Variants in RBFOX1 observed in about 807,000 individuals in gnomAD.
RBFOX1 encodes RNA binding fox-1 homolog 1.
RBFOX1 carries 8 observed loss-of-function variants against 57.7 expected under a neutral mutation model. The observed-to-expected ratio is 0.14, with a 90% confidence interval of 0.08 to 0.25. The LOEUF (loss-of-function observed/expected upper bound fraction) is 0.25, where lower values mean the gene tolerates loss of function less well. Ranked by LOEUF, RBFOX1 falls within the 10% of genes least tolerant of loss-of-function variation. RBFOX1 has a pLI of 1.00. For missense variants in RBFOX1, 611 were observed against 548.5 expected, an observed-to-expected ratio of 1.11 and a Z score of -1.14; for synonymous variants, 326 against 222.4, an observed-to-expected ratio of 1.47 and a Z score of -4.15.
rs536202131 is a variant in RBFOX1, at chr16:5,256,805, C to G, written c.219+16700C>G. Among the ~76,000 whole-genome samples the G allele has an allele frequency of 7.2e-5, 11 of 152,068 alleles. No individual in the cohort carries two copies. The South Asian group carries it at 2.1e-3, about 29-fold the overall frequency. ...AAAAATTAGCCCGGTGTGGTGGCAT[C>G]TGCCTGTAGTCCCAACTACTCGGGA... On this transcript the variant is annotated intron_variant, in intron 1 of 2. Coordinates refer to the RBFOX1 transcript ENST00000585867.
At chr16:7,635,637 C>A (rs1462809200) in intron 11 of RBFOX1, among the ~76,000 whole-genome samples, 1 of 148,486 alleles carries the variant, frequency 6.7e-6, no homozygotes, top group Non-Finnish European at 1.5e-5. Context: ...GTTACATGGA[C>A]ATTACATATA....
At chr16:5,756,702 T>C (rs867499312) in intron 3 of RBFOX1, among the ~76,000 whole-genome samples, 26 of 152,180 alleles carry the variant, frequency 1.7e-4, no homozygotes, top group Non-Finnish European at 3.1e-4. Flanking sequence ...TCATTACTTA[T>C]CACAGCAGAA....
chr16:5,852,798 C>G (rs191846638), intron 3 of RBFOX1, among the ~76,000 whole-genome samples: 4 of 152,064 alleles, frequency 2.6e-5, no homozygotes, highest in African/African-American at 9.6e-5. Flanking sequence ...CCACTGCTCT[C>G]CAGCCTGGGT....
At chr16:7,373,192 C>T (rs559824226) in intron 4 of RBFOX1, among the ~76,000 whole-genome samples, 132 of 152,240 alleles carry the variant, frequency 8.7e-4, no homozygotes, top group African/African-American at 3.1e-3. Flanking sequence ...CTTGGCCTCC[C>T]AAAGTGCTGG....
intron 3 of RBFOX1, among the ~76,000 whole-genome samples, chr16:6,953,474 C>T (rs1223523114): frequency 1.3e-5 from 2 of 152,082 alleles, no homozygotes; most frequent in Middle Eastern, 3.2e-3. Context: ...CAACCTCCAC[C>T]TCCTGGGTTC....
chr16:5,884,658 G>C (rs2057853407), intron 4 of RBFOX1, among the ~76,000 whole-genome samples: 2 of 152,110 alleles, frequency 1.3e-5, no homozygotes, highest in Non-Finnish European at 2.9e-5. Flanking sequence ...CCATGTTGGA[G>C]TCGAATAAAT....
chr16:5,706,806 G>A (rs1200075319), intron 3 of RBFOX1, among the ~76,000 whole-genome samples: 2 of 152,042 alleles, frequency 1.3e-5, no homozygotes, highest in East Asian at 3.9e-4. Context: ...TTCTGTGAGA[G>A]TGGGGAGGAA....
intron 2 of RBFOX1, among the ~76,000 whole-genome samples, chr16:6,443,582 C>G (rs561241068): frequency 6.6e-6 from 1 of 152,292 alleles, no homozygotes; most frequent in African/African-American, 2.4e-5. Flanking sequence ...TTCTCTCCCA[C>G]TGGTAAACGA....
intron 1 of RBFOX1, among the ~76,000 whole-genome samples, chr16:5,434,889 C>A (rs533729856): frequency 2.0e-5 from 2 of 98,624 alleles, no homozygotes; most frequent in African/African-American, 8.5e-5. Flanking sequence ...TGTCTTGATT[C>A]CCCACAAAGG....
chr16:6,772,104 T>G (rs562249740), intron 3 of RBFOX1, among the ~76,000 whole-genome samples: 2 of 152,308 alleles, frequency 1.3e-5, no homozygotes, highest in African/African-American at 4.8e-5. Context: ...TGAGGAACAG[T>G]CTTCCTTTCA....
chr16:6,822,975 C>T (rs973763573), intron 3 of RBFOX1, among the ~76,000 whole-genome samples: 2 of 152,134 alleles, frequency 1.3e-5, no homozygotes, highest in African/African-American at 4.8e-5. Context: ...ACGATGATCC[C>T]TAACAGCTTC....
intron 1 of RBFOX1, among the ~76,000 whole-genome samples, chr16:5,298,353 G>A (rs2063718239): frequency 6.6e-6 from 1 of 151,994 alleles, no homozygotes; most frequent in Non-Finnish European, 1.5e-5. Flanking sequence ...TTAAATCTTG[G>A]GAGAGTGTTG....
chr16:7,313,234 A>G (rs973116570), intron 4 of RBFOX1, among the ~76,000 whole-genome samples: 4 of 152,176 alleles, frequency 2.6e-5, no homozygotes, highest in African/African-American at 4.8e-5. Flanking sequence ...AATAATCTGT[A>G]TAAAACTATG....
chr16:5,984,170 C>T (rs1330696651), intron 4 of RBFOX1, among the ~76,000 whole-genome samples: 8 of 58,312 alleles, frequency 1.4e-4, no homozygotes, highest in African/African-American at 6.0e-4. Flanking sequence ...TCCTCCTCCC[C>T]TTCCCCTCCC....
intron 4 of RBFOX1, among the ~76,000 whole-genome samples, chr16:7,166,963 A>G (rs1340368476): frequency 1.1e-5 from 1 of 92,344 alleles, no homozygotes; most frequent in East Asian, 3.7e-4. Context: ...AGATTGCTGC[A>G]TTGGTGTTCT....
At chr16:6,253,027 TA>T (rs1411437912) in intron 1 of RBFOX1, among the ~76,000 whole-genome samples, 1 of 152,184 alleles carries the variant, frequency 6.6e-6, no homozygotes, top group East Asian at 1.9e-4. Context: ...CTTTTACAGA[TA>T]AGGGTGCTGA....
Position 6,516,115 on chromosome 16 carries a change from G to A in RBFOX1, c.-63-138488G>A, listed in dbSNP as rs528195601. On this transcript the variant is annotated intron_variant, in intron 2 of 15. Transcript: ENST00000550418. ...AGAATCTTGGCTCACTGTAACTTCCGCCGCCCAGGTTCAAGCAGTTCTTCT... is the reference window on the plus strand; with the variant it reads ...AGAATCTTGGCTCACTGTAACTTCCACCGCCCAGGTTCAAGCAGTTCTTCT... 2.6e-5 allele frequency among the ~76,000 whole-genome samples: 4 copies of A among 152,086 alleles called. No individual in the cohort carries two copies. The South Asian group carries it at 6.2e-4, about 24-fold the overall frequency.
chr16:7,121,911 A>C (rs540868563), intron 4 of RBFOX1, among the ~76,000 whole-genome samples: 2 of 149,870 alleles, frequency 1.3e-5, no homozygotes, highest in South Asian at 2.1e-4. Flanking sequence ...AAAAGGTACA[A>C]AATCAAAGGA....
At position 5,528,976 on chromosome 16, in the gene RBFOX1, A is replaced by G. The variant is rs947890616; in HGVS notation, c.258+61722A>G. Among the ~76,000 whole-genome samples, 27 of 151,918 alleles carry G rather than the reference A, an allele frequency of 1.8e-4. 1 individual carries two copies. The highest frequency in any genetic ancestry group is 3.7e-4 in the Non-Finnish European group (25 of 67,980). On this transcript the variant is annotated intron_variant, in intron 2 of 2. Transcript: ENST00000585867. ...CCAATTCTCTAATTTTCTATTACTC[A>G]TAAACCTGATTCTCATCTGGTTGCA...
Sources: gnomAD v4.1 joint callset for allele counts (sites outside exome capture counted in the v4.1 genomes callset) on GRCh38, gnomAD v4.1.1 for gene constraint, MANE v1.5 for transcripts, NCBI Gene and HGNC (gene_info 2026-07-23, HGNC 2026-07-21) for gene names.